PCDH11X: variants seen among roughly 807,000 people sequenced by gnomAD.
PCDH11X encodes protocadherin-11 X-linked.
In PCDH11X, 18 loss-of-function variants were observed where a neutral mutation model predicts 53.3. The observed-to-expected ratio is 0.34, with a 90% confidence interval of 0.23 to 0.50. The LOEUF (loss-of-function observed/expected upper bound fraction) is 0.50, where lower values mean the gene tolerates loss of function less well. Among genes scored for constraint, PCDH11X ranks in the 20% least tolerant of loss-of-function variants. The pLI is 0.98. For synonymous variants in PCDH11X, 279 were observed against 393.3 expected (o/e 0.71, Z 3.44); for missense variants, 570 against 1,032.4 (o/e 0.55, Z 6.14).
chrX:92,592,457 C>T lies in PCDH11X; in HGVS notation c.3368-25807C>T, dbSNP rs757197838. ...TTAGTAAAAAAGATTCAAGGCCAGG[C>T]GCACTGGCTCACGCCTGTAATCCCA... On this transcript the variant is annotated intron_variant, in intron 10 of 10. Coordinates refer to ENST00000682573, the MANE Select transcript of PCDH11X (RefSeq NM_032968.5). Among the ~76,000 whole-genome samples the T allele has an allele frequency of 3.9e-3, 427 of 110,293 alleles. 2 individuals carry two copies. The highest frequency in any genetic ancestry group is 0.013 in the African/African-American group (388 of 30,264).
chrX:92,542,225 G>A (rs1307883863), intron 10 of PCDH11X, among the ~76,000 whole-genome samples: 1 of 111,516 alleles, frequency 9.0e-6, no homozygotes, highest in Non-Finnish European at 1.9e-5. Flanking sequence ...TACCTGATGA[G>A]TATTTTGGCA....
chrX:91,833,452 A>T (rs1239447753), intron 4 of PCDH11X, among the ~76,000 whole-genome samples: 1 of 110,353 alleles, frequency 9.1e-6, no homozygotes, highest in African/African-American at 3.3e-5. Context: ...TGTACAAATG[A>T]TGCTAAAAAT....
intron 6 of PCDH11X, among the ~76,000 whole-genome samples, chrX:91,990,634 G>A (rs755419870): frequency 9.1e-5 from 10 of 110,302 alleles, no homozygotes; most frequent in Non-Finnish European, 1.9e-4. Flanking sequence ...GAGAAAGGGG[G>A]CACTGCCTCA....
chrX:92,287,967 A>G, intron 8 of PCDH11X: 1 of 514,982 alleles, frequency 1.9e-6, no homozygotes. Context: ...CCATGTGAAG[A>G]CTGTGCTTAC....
At chrX:91,805,951 A>G (rs1169952963) in intron 1 of PCDH11X, among the ~76,000 whole-genome samples, 1 of 111,268 alleles carries the variant, frequency 9.0e-6, no homozygotes, top group Non-Finnish European at 1.9e-5. Context: ...TGAAGTGCCT[A>G]GGACTTTTTT....
At chrX:92,522,017 A>G (rs894311338) in intron 10 of PCDH11X, among the ~76,000 whole-genome samples, 3 of 112,264 alleles carry the variant, frequency 2.7e-5, no homozygotes, top group African/African-American at 9.7e-5. Flanking sequence ...TCTCAATATT[A>G]GCAGTAAAGC....
intron 6 of PCDH11X, among the ~76,000 whole-genome samples, chrX:92,170,105 T>C (rs1216275247): frequency 9.1e-6 from 1 of 110,479 alleles, no homozygotes; most frequent in Non-Finnish European, 1.9e-5. Flanking sequence ...AAAATAAAAA[T>C]ACTTCTCTCT....
intron 9 of PCDH11X, among the ~76,000 whole-genome samples, chrX:92,401,874 A>G (rs747677414): frequency 8.9e-5 from 10 of 112,262 alleles, no homozygotes; most frequent in African/African-American, 2.9e-4. Flanking sequence ...CCTTGAATCT[A>G]CGTTTTTACT....
At chrX:92,263,438 T>G (rs2067761262) in intron 8 of PCDH11X, among the ~76,000 whole-genome samples, 1 of 112,088 alleles carries the variant, frequency 8.9e-6, no homozygotes, top group Non-Finnish European at 1.9e-5. Flanking sequence ...AATACAGTTA[T>G]TTTATGATAA....
chrX:92,375,166 A>ATTTTTT (rs1230279822), intron 8 of PCDH11X, among the ~76,000 whole-genome samples: 1 of 8,262 alleles, frequency 1.2e-4, no homozygotes, highest in Non-Finnish European at 1.9e-4. Flanking sequence ...ATATATATAT[A>ATTTTTT]TTTTTTTTTT....
chrX:92,553,152 G>T (rs1465137540), intron 10 of PCDH11X, among the ~76,000 whole-genome samples: 1 of 107,603 alleles, frequency 9.3e-6, no homozygotes, highest in African/African-American at 3.4e-5. Flanking sequence ...ATCCTTATTA[G>T]CTTTTCTTTA....
rs779778676 is a variant in PCDH11X at position 92,416,444 on chromosome X, C to T, written c.3343+28511C>T. Among the ~76,000 whole-genome samples, 5 of 110,095 alleles carry T rather than the reference C, an allele frequency of 4.5e-5. No homozygotes were observed. The East Asian group carries it at 1.4e-3, about 31-fold the overall frequency. On this transcript the variant is annotated intron_variant, in intron 9 of 10. Coordinates refer to ENST00000682573, the MANE Select transcript of PCDH11X (RefSeq NM_032968.5). ...TCTCATGTACCCCATAAATATATTA[C>T]ACCTCCTACATACTCACAAAATTTA...
At chrX:92,331,283 T>TTCC (rs2069465500) in intron 8 of PCDH11X, among the ~76,000 whole-genome samples, 1 of 65,737 alleles carries the variant, frequency 1.5e-5, no homozygotes, top group East Asian at 1.1e-3. Context: ...CTCCTCTTTC[T>TTCC]TCTTCTTCTT....
At chrX:92,038,322 G>T (rs1338847982) in intron 6 of PCDH11X, among the ~76,000 whole-genome samples, 1 of 110,154 alleles carries the variant, frequency 9.1e-6, no homozygotes, top group Non-Finnish European at 1.9e-5. Context: ...CAGGCTCAAG[G>T]TCCCCATGCT....
intron 6 of PCDH11X, chrX:92,114,118 T>C (rs3810762): frequency 0.075 from 88,218 of 1,174,653 alleles, 4,826 homozygotes; most frequent in East Asian, 0.42. Flanking sequence ...CTTCTGTATC[T>C]GCTGAGCCAA....
chrX:91,822,826 C>T (rs190217223), intron 4 of PCDH11X, among the ~76,000 whole-genome samples: 1,147 of 111,428 alleles, frequency 0.01, 15 homozygotes, highest in African/African-American at 0.035. Context: ...TATAAATTTC[C>T]CTCTACACAC....
intron 6 of PCDH11X, among the ~76,000 whole-genome samples, chrX:92,186,120 CAAAT>C (rs2066088352): frequency 9.1e-6 from 1 of 110,328 alleles, no homozygotes; most frequent in Non-Finnish European, 1.9e-5. Context: ...TGCCTATCAA[CAAAT>C]GAATGATAAA....
chrX:91,783,888 A>C (rs1935245838), intron 1 of PCDH11X, among the ~76,000 whole-genome samples: 1 of 112,333 alleles, frequency 8.9e-6, no homozygotes, highest in Non-Finnish European at 1.9e-5. Flanking sequence ...CAATGTGATA[A>C]ATGGTGTAAT....
intron 6 of PCDH11X, among the ~76,000 whole-genome samples, chrX:92,175,803 C>G (rs928529025): frequency 4.2e-5 from 4 of 94,728 alleles, no homozygotes; most frequent in Non-Finnish European, 6.4e-5. Context: ...CACACACACA[C>G]AGAGAGAGAG....
Sources: allele counts gnomAD v4.1 joint callset (sites outside exome capture counted in the v4.1 genomes callset), GRCh38; gene constraint gnomAD v4.1.1; transcripts MANE v1.5; gene names NCBI Gene and HGNC (gene_info 2026-07-23, HGNC 2026-07-21).